Variants in RBFOX1 observed in about 807,000 individuals in gnomAD.
RBFOX1 encodes the protein RNA binding fox-1 homolog 1.
A neutral mutation model predicts 57.7 loss-of-function variants in RBFOX1; 8 were observed. The ratio of observed to expected loss-of-function variants is 0.14; its 90% CI spans 0.08 to 0.25. The LOEUF (loss-of-function observed/expected upper bound fraction) is 0.25. Among genes scored for constraint, RBFOX1 ranks in the 10% least tolerant of loss-of-function variants. RBFOX1 has a pLI of 1.00. For synonymous variants in RBFOX1, 326 were observed against 222.4 expected, an observed-to-expected ratio of 1.47 and a Z score of -4.15; for missense variants, 611 against 548.5, an observed-to-expected ratio of 1.11 and a Z score of -1.14.
intron 4 of RBFOX1, among the ~76,000 whole-genome samples, chr16:5,901,247 G>T: frequency 6.6e-6 from 1 of 152,076 alleles, no homozygotes; most frequent in East Asian, 1.9e-4. Context: ...CCGTTCACGC[G>T]GTCTTTGTTT....
rs775697079 is a variant in RBFOX1 at position 6,553,268 on chromosome 16, G to A, written c.-63-101335G>A. On this transcript the variant is annotated intron_variant, in intron 2 of 15. Transcript: ENST00000550418. The stretch of plus-strand genomic sequence containing the variant: ...ACTATAAATCAATAGTTTCCATGAA[G>A]TTGCCACCGATTTAGAGCAGACAGC... Among the ~76,000 whole-genome samples the A allele has an allele frequency of 1.2e-4, 18 of 152,322 alleles. No homozygotes were observed. In the East Asian group the frequency reaches 3.5e-3, roughly 29 times the overall value.
chr16:6,855,162 G>A (rs1603632734), intron 3 of RBFOX1, among the ~76,000 whole-genome samples: 1 of 152,028 alleles, frequency 6.6e-6, no homozygotes, highest in African/African-American at 2.4e-5. Flanking sequence ...GTAGCTATAC[G>A]TGTTCTGGTG....
At chr16:5,509,109 A>G (rs79605781) in intron 2 of RBFOX1, among the ~76,000 whole-genome samples, 1 of 152,178 alleles carries the variant, frequency 6.6e-6, no homozygotes, top group Non-Finnish European at 1.5e-5. Context: ...TCTCAGAGGC[A>G]CAGTGTGAGA....
intron 2 of RBFOX1, among the ~76,000 whole-genome samples, chr16:5,565,274 T>C (rs1266312148): frequency 1.3e-5 from 2 of 152,174 alleles, no homozygotes; most frequent in Non-Finnish European, 2.9e-5. Flanking sequence ...TGTGTGCGTG[T>C]GTGCACGTGC....
chr16:5,520,321 G>A (rs897791347), intron 2 of RBFOX1, among the ~76,000 whole-genome samples: 1 of 152,166 alleles, frequency 6.6e-6, no homozygotes, highest in Admixed American at 6.5e-5. Flanking sequence ...GCTTGAAATG[G>A]CTTGAAGTCC....
At chr16:6,363,173 A>G (rs915628244) in intron 2 of RBFOX1, among the ~76,000 whole-genome samples, 2 of 152,202 alleles carry the variant, frequency 1.3e-5, no homozygotes, top group Non-Finnish European at 2.9e-5. Context: ...TTTTATTTAT[A>G]TTGAAAATAT....
At chr16:7,245,679 G>C (rs770637392) in intron 4 of RBFOX1, among the ~76,000 whole-genome samples, 1 of 152,198 alleles carries the variant, frequency 6.6e-6, no homozygotes, top group Non-Finnish European at 1.5e-5. Flanking sequence ...TTGTTTGTTT[G>C]TTTGTTGAAA....
intron 4 of RBFOX1, among the ~76,000 whole-genome samples, chr16:7,106,783 G>A (rs564036423): frequency 7.2e-5 from 11 of 151,916 alleles, no homozygotes; most frequent in East Asian, 5.8e-4. Flanking sequence ...AGAGAGTGAC[G>A]TGACCAGATG....
chr16:5,580,965 C>A (rs1158549593), intron 2 of RBFOX1, among the ~76,000 whole-genome samples: 1 of 152,210 alleles, frequency 6.6e-6, no homozygotes, highest in African/African-American at 2.4e-5. Context: ...AAACAGTTTT[C>A]CTTTATCTCA....
chr16:7,080,658 A>C (rs1247265923), intron 4 of RBFOX1, among the ~76,000 whole-genome samples: 6 of 152,088 alleles, frequency 3.9e-5, no homozygotes, highest in Admixed American at 3.9e-4. Context: ...TTCTAGCTGC[A>C]TGCTGCCATT....
chr16:5,989,276 A>T (rs1425638651), intron 4 of RBFOX1, among the ~76,000 whole-genome samples: 5 of 152,106 alleles, frequency 3.3e-5, no homozygotes, highest in African/African-American at 1.2e-4. Context: ...GTTTACAGTG[A>T]GCCGAGATGG....
At chr16:6,327,956 G>T (rs1337862275) in intron 2 of RBFOX1, among the ~76,000 whole-genome samples, 1 of 152,186 alleles carries the variant, frequency 6.6e-6, no homozygotes, top group South Asian at 2.1e-4. Flanking sequence ...ACACTCAGAA[G>T]ACAGCTTCTG....
chr16:5,599,432 T>A, exon 3 of RBFOX1: 1 of 562,746 alleles, frequency 1.8e-6, no homozygotes, highest in Non-Finnish European at 3.1e-6. Flanking sequence ...CCTGGGATGA[T>A]GGCAGTGAAT....
chr16:7,282,717 T>A (rs1055806050), intron 4 of RBFOX1, among the ~76,000 whole-genome samples: 6 of 152,306 alleles, frequency 3.9e-5, no homozygotes, highest in Admixed American at 3.9e-4. Context: ...TGTAGGCTTT[T>A]ACCCCTCACC....
At chr16:6,612,523 A>G (rs2098076430) in intron 2 of RBFOX1, among the ~76,000 whole-genome samples, 1 of 152,168 alleles carries the variant, frequency 6.6e-6, no homozygotes, top group Non-Finnish European at 1.5e-5. Flanking sequence ...TGAGCTTGCC[A>G]TGAGGCTAGA....
chr16:6,305,650 C>CTT lies in RBFOX1; in HGVS notation c.-126-11335_-126-11334dup, dbSNP rs5815297. On this transcript the variant is annotated intron_variant, in intron 1 of 15. Coordinates refer to ENST00000550418, the MANE Select transcript of RBFOX1 (RefSeq NM_018723.4). ...ACACATACTGTAGTCATACTCTTAGCTTTTTTTTTTTCCTGTATTACCTCA... is the reference window on the plus strand; with the variant it reads ...ACACATACTGTAGTCATACTCTTAGCTTTTTTTTTTTTTCCTGTATTACCTCA... 4.5e-3 allele frequency among the ~76,000 whole-genome samples: 663 copies of CTT among 146,156 alleles called. 8 individuals carry two copies. Among genetic ancestry groups the CTT allele is most frequent in the South Asian group, 0.014 (62 of 4,568 alleles).
intron 14 of RBFOX1, among the ~76,000 whole-genome samples, chr16:7,688,155 T>G (rs755026586): frequency 5.2e-4 from 79 of 151,930 alleles, no homozygotes; most frequent in Admixed American, 9.8e-4. Flanking sequence ...GGCTGCCATC[T>G]ACCAGGCCAG....
chr16:5,411,268 G>T (rs2067014388), intron 1 of RBFOX1, among the ~76,000 whole-genome samples: 1 of 152,194 alleles, frequency 6.6e-6, no homozygotes, highest in African/African-American at 2.4e-5. Flanking sequence ...ATTTTGAGAT[G>T]GGAGGTCATC....
chr16:5,726,538 C>T (rs952466904), intron 3 of RBFOX1, among the ~76,000 whole-genome samples: 1 of 152,154 alleles, frequency 6.6e-6, no homozygotes, highest in African/African-American at 2.4e-5. Flanking sequence ...GTGAGGTCAG[C>T]CAGGGGCAAA....
Sources: gnomAD v4.1 joint callset for allele counts (sites outside exome capture counted in the v4.1 genomes callset) on GRCh38, gnomAD v4.1.1 for gene constraint, MANE v1.5 for transcripts, NCBI Gene and HGNC (gene_info 2026-07-23, HGNC 2026-07-21) for gene names.